The following FANK1 variants were observed in gnomAD, a reference collection of about 807,000 sequenced individuals.
FANK1 encodes fibronectin type III and ankyrin repeat domains 1, also known as fibronectin type 3 and ankyrin repeat domains protein 1.
In FANK1, 44 loss-of-function variants were observed where a neutral mutation model predicts 45.3. The observed-to-expected ratio is 0.97, with a 90% confidence interval of 0.76 to 1.25. The LOEUF (loss-of-function observed/expected upper bound fraction) is 1.25. Ranked by LOEUF, FANK1 falls within the 50% of genes most tolerant of loss-of-function variation. The probability of loss-of-function intolerance (pLI) is 0.00; values close to 1 mark genes in which losing one functional copy is unlikely to be tolerated. For synonymous variants in FANK1, 149 were observed against 152.5 expected, an observed-to-expected ratio of 0.98 and a Z score of 0.17; for missense variants, 391 against 424.4, an observed-to-expected ratio of 0.92 and a Z score of 0.69.
At chr10:125,969,630 A>AT (rs554188002) in intron 1 of FANK1, among the ~76,000 whole-genome samples, 10 of 152,028 alleles carry the variant, frequency 6.6e-5, no homozygotes, top group South Asian at 2.1e-4. Context: ...TTTTTTTTAA[A>AT]TTTTTTTTAG....
chr10:125,937,979 G>A lies in FANK1; in HGVS notation c.13+41324G>A, dbSNP rs148005030. Reference sequence around the variant, plus strand: ...AAACTGAAATATCATACAAACAGAAGCAAGTAGACCTAGTTTATTGACAAG... The same window carrying A: ...AAACTGAAATATCATACAAACAGAAACAAGTAGACCTAGTTTATTGACAAG... On this transcript the variant is annotated intron_variant, in intron 1 of 10. Transcript: ENST00000368693. Among the ~76,000 whole-genome samples the A allele has an allele frequency of 7.2e-4, 110 of 152,194 alleles. No individual in the cohort carries two copies. The South Asian group carries it at 1.0e-2, about 14-fold the overall frequency.
intron 1 of FANK1, among the ~76,000 whole-genome samples, chr10:125,944,598 C>T (rs1010612536): frequency 1.3e-5 from 2 of 152,208 alleles, no homozygotes; most frequent in African/African-American, 4.8e-5. Context: ...AACGCCCAAG[C>T]TGGAAGGTTG....
At chr10:125,897,779 G>A (rs1944675525) in intron 1 of FANK1, among the ~76,000 whole-genome samples, 1 of 152,194 alleles carries the variant, frequency 6.6e-6, no homozygotes, top group African/African-American at 2.4e-5. Context: ...ATACAAGAAC[G>A]CTAAAATTTT....
At chr10:125,955,347 T>G (rs896916928) in intron 1 of FANK1, among the ~76,000 whole-genome samples, 7 of 151,974 alleles carry the variant, frequency 4.6e-5, no homozygotes, top group African/African-American at 1.7e-4. Context: ...AGTAAGAACA[T>G]GTAGTGTTTG....
In FANK1 at chr10:125,997,454, G is replaced by A. The variant is rs542737827; in HGVS notation, c.508G>A (p.Val170Met). 1.5e-5 allele frequency: 24 copies of A among 1,613,934 alleles called. No individual in the cohort carries two copies. The highest frequency in any genetic ancestry group is 6.7e-5 in the East Asian group (3 of 44,880). The part of the protein sequence containing the change: ...VKILVSNGTD[V>M]NLKNGSGKDS... ...AATCCTAGTTTCTAATGGCACAGAC[G>A]TGAATCTGAAGAATGGAAGTGGCAA... The change falls in exon 6 of 11, where the codon GTG (valine) becomes ATG (methionine). Residue 170 changes from valine to methionine, a missense_variant. By Grantham distance (21) the Val-to-Met change is conservative. Transcript: ENST00000368693.
At chr10:125,910,172 A>G (rs1945875098) in intron 1 of FANK1, among the ~76,000 whole-genome samples, 1 of 152,238 alleles carries the variant, frequency 6.6e-6, no homozygotes, top group East Asian at 1.9e-4. Flanking sequence ...TATTTTGTTC[A>G]TAGTTTTCAG....
chr10:126,009,458 C>T lies in FANK1; in HGVS notation c.*20C>T, dbSNP rs17153980. On this transcript the variant is annotated 3_prime_UTR_variant, in exon 11 of 11. Transcript: ENST00000368693. ...TGCTGATGAGAGCACCACTCATCTG[C>T]GAAACGCACGTAAAACAAAGTGAAC... The T allele has an allele frequency of 4.7e-3, 7,534 of 1,611,006 alleles. 215 individuals carry two copies. The African/African-American group carries it at 0.069, about 15-fold the overall frequency.
At chr10:125,901,100 T>C (rs1234905237) in intron 1 of FANK1, among the ~76,000 whole-genome samples, 2 of 152,152 alleles carry the variant, frequency 1.3e-5, no homozygotes, top group Admixed American at 6.5e-5. Context: ...GGCTCACGCA[T>C]GTTTTTAAAG....
chr10:125,980,482 C>T, intron 2 of FANK1, 144 bp downstream of exon 2: 1 of 981,168 alleles, frequency 1.0e-6, no homozygotes, highest in Non-Finnish European at 1.4e-6. Flanking sequence ...TTATGAATTA[C>T]AATTTTTGGA....
At chr10:125,906,293 A>G (rs1033615278) in intron 1 of FANK1, among the ~76,000 whole-genome samples, 5 of 152,036 alleles carry the variant, frequency 3.3e-5, no homozygotes, top group African/African-American at 1.2e-4. Context: ...AGGTGGGCCG[A>G]TCACCTGAGG....
intron 7 of FANK1, among the ~76,000 whole-genome samples, chr10:126,005,510 G>C (rs1418275519): frequency 6.6e-6 from 1 of 152,052 alleles, no homozygotes; most frequent in African/African-American, 2.4e-5. Context: ...GTTTCACCAT[G>C]TTGGCCAGGC....
chr10:125,932,513 G>A (rs1369563957), intron 1 of FANK1, among the ~76,000 whole-genome samples: 1 of 152,120 alleles, frequency 6.6e-6, no homozygotes, highest in East Asian at 1.9e-4. Flanking sequence ...GGTCGCTGTT[G>A]GTGTATAGAA....
At chr10:125,988,092 G>T (rs1234525511) in intron 2 of FANK1, among the ~76,000 whole-genome samples, 1 of 152,194 alleles carries the variant, frequency 6.6e-6, no homozygotes, top group Non-Finnish European at 1.5e-5. Flanking sequence ...GAGCAATCTT[G>T]CATGTGACTT....
intron 1 of FANK1, among the ~76,000 whole-genome samples, chr10:125,958,575 A>G (rs1949725776): frequency 6.6e-6 from 1 of 152,148 alleles, no homozygotes; most frequent in Non-Finnish European, 1.5e-5. Context: ...ACTGTTTTCC[A>G]TAGCGGCTAT....
chr10:125,978,005 G>T (rs1042849715), intron 1 of FANK1, among the ~76,000 whole-genome samples: 6 of 152,172 alleles, frequency 3.9e-5, no homozygotes, highest in African/African-American at 1.2e-4. Flanking sequence ...CTCTGGCGGG[G>T]GTGGCTGGAG....
chr10:126,009,566 C>A lies in FANK1; in HGVS notation c.*128C>A. On this transcript the variant is annotated 3_prime_UTR_variant, in exon 11 of 11. Coordinates refer to ENST00000368693, the MANE Select transcript of FANK1 (RefSeq NM_145235.5). Reference sequence around the variant, plus strand: ...TATTTAGTTGAAGATTCACTGATCCCACTTTGAAATACATCTTTTTACCTA... The same window carrying A: ...TATTTAGTTGAAGATTCACTGATCCAACTTTGAAATACATCTTTTTACCTA... 1.0e-6 allele frequency: 1 copy of A among 972,688 alleles called. No individual in the cohort carries two copies. Among genetic ancestry groups the A allele is most frequent in the East Asian group, 2.6e-5 (1 of 39,138 alleles). The allele number at this position is 972,688 out of a possible 1,614,324, so 60.3% of individuals were successfully genotyped here. A position where few individuals can be genotyped will look rare whatever the true frequency, so the allele number is the denominator to read the frequency against.
intron 1 of FANK1, among the ~76,000 whole-genome samples, chr10:125,940,136 G>A (rs1948355698): frequency 1.3e-5 from 2 of 152,132 alleles, no homozygotes; most frequent in Admixed American, 1.3e-4. Flanking sequence ...GGTGGGACAA[G>A]AGACTGAGAA....
At chr10:125,989,190 G>T in intron 3 of FANK1, 1 of 1,142,882 alleles carries the variant, frequency 8.7e-7, no homozygotes. Context: ...GCCCCACATG[G>T]AGACCTCTGA....
chr10:125,947,381 G>A (rs2134161558), intron 1 of FANK1, among the ~76,000 whole-genome samples: 1 of 149,878 alleles, frequency 6.7e-6, no homozygotes, highest in South Asian at 2.1e-4. Flanking sequence ...CTCATGTGCA[G>A]AGACACACAT....
Sources: allele counts gnomAD v4.1 joint callset (sites outside exome capture counted in the v4.1 genomes callset), GRCh38; gene constraint gnomAD v4.1.1; transcripts MANE v1.5; gene names NCBI Gene and HGNC (gene_info 2026-07-23, HGNC 2026-07-21).